Variants in LRGUK observed in about 807,000 individuals in gnomAD.
LRGUK encodes the protein leucine rich repeats and guanylate kinase domain containing.
LRGUK carries 65 observed loss-of-function variants against 76.0 expected under a neutral mutation model. The observed-to-expected ratio is 0.85, with a 90% confidence interval of 0.70 to 1.05. LRGUK has a LOEUF of 1.05. Among genes scored for constraint, LRGUK ranks in the 50% least tolerant of loss-of-function variants. The pLI, the probability that LRGUK is intolerant of heterozygous loss-of-function variation, is 0.00. For missense variants in LRGUK, 758 were observed against 732.8 expected, an observed-to-expected ratio of 1.03 and a Z score of -0.40; for synonymous variants, 268 against 265.6, an observed-to-expected ratio of 1.01 and a Z score of -0.09.
chr7:134,183,647 G>T, intron 10 of LRGUK, 87 bp from the exon 11 acceptor site: 1 of 1,496,550 alleles, frequency 6.7e-7, no homozygotes, highest in South Asian at 1.2e-5. Flanking sequence ...TGCTCATTTA[G>T]CCAGGTTAAT....
intron 5 of LRGUK, among the ~76,000 whole-genome samples, chr7:134,149,108 T>TAAAA (rs5887660): frequency 6.0e-5 from 9 of 148,876 alleles, no homozygotes; most frequent in African/African-American, 1.7e-4. Flanking sequence ...TTTCTTTTTT[T>TAAAA]AAAAAAAAAA....
chr7:134,133,011 T>G (rs1370478162), intron 1 of LRGUK, among the ~76,000 whole-genome samples: 2 of 152,120 alleles, frequency 1.3e-5, no homozygotes, highest in African/African-American at 2.4e-5. Context: ...CGGGAGACCG[T>G]TCATAGCAAA....
chr7:134,143,603 T>C (rs17167493), intron 4 of LRGUK, among the ~76,000 whole-genome samples: 19,732 of 152,264 alleles, frequency 0.13, 1,625 homozygotes, highest in East Asian at 0.32. Flanking sequence ...AAAAATTTTA[T>C]ATCTGAATAA....
intron 16 of LRGUK, among the ~76,000 whole-genome samples, chr7:134,241,595 A>C (rs60740661): frequency 6.6e-6 from 1 of 152,080 alleles, no homozygotes; most frequent in Non-Finnish European, 1.5e-5. Flanking sequence ...GACTCCCACA[A>C]AATAATAATG....
At chr7:134,172,265 A>G (rs998929193) in intron 7 of LRGUK, among the ~76,000 whole-genome samples, 2 of 152,136 alleles carry the variant, frequency 1.3e-5, no homozygotes, top group Admixed American at 6.5e-5. Context: ...TACTTGTTTT[A>G]CTTTTACTGA....
chr7:134,180,180 C>G (rs768820843), intron 10 of LRGUK, among the ~76,000 whole-genome samples: 6 of 152,164 alleles, frequency 3.9e-5, no homozygotes, highest in Non-Finnish European at 8.8e-5. Context: ...AATAGTATTT[C>G]CCAATTCCAG....
At chr7:134,137,257 G>T (rs957736602) in intron 2 of LRGUK, 127 bp downstream of exon 2, 2 of 663,478 alleles carry the variant, frequency 3.0e-6, no homozygotes, top group African/African-American at 3.6e-5. Flanking sequence ...GATGGAGACT[G>T]GTGACAAGAG....
downstream of LRGUK, among the ~76,000 whole-genome samples, chr7:134,265,593 T>C (rs1035736975): frequency 6.6e-6 from 1 of 152,198 alleles, no homozygotes; most frequent in African/African-American, 2.4e-5. Context: ...AGCTGCACCA[T>C]TCCAGCCAAA....
At chr7:134,145,662 G>T (rs935234250) in intron 4 of LRGUK, among the ~76,000 whole-genome samples, 7 of 152,212 alleles carry the variant, frequency 4.6e-5, no homozygotes, top group Non-Finnish European at 8.8e-5. Context: ...TTGCTGGGAG[G>T]CAGCGGAACT....
chr7:134,211,105 G>C (rs1429535340), downstream of LRGUK, among the ~76,000 whole-genome samples: 2 of 152,324 alleles, frequency 1.3e-5, no homozygotes, highest in Non-Finnish European at 2.9e-5. Flanking sequence ...AGGTGGAGGG[G>C]CTGTTCAGCA....
At chr7:134,234,363 C>A (rs901549980) in intron 16 of LRGUK, among the ~76,000 whole-genome samples, 1 of 151,970 alleles carries the variant, frequency 6.6e-6, no homozygotes, top group African/African-American at 2.4e-5. Flanking sequence ...GGTTGTCTGA[C>A]CGCCTGCATG....
At chr7:134,268,779 G>A (rs1296916049), downstream of LRGUK, among the ~76,000 whole-genome samples, 1 of 127,890 alleles carries the variant, frequency 7.8e-6, no homozygotes, top group Non-Finnish European at 1.6e-5. Flanking sequence ...GCCCAGGCTG[G>A]AGTGCAGTAG....
chr7:134,195,739 T>C (rs1585534054), intron 12 of LRGUK, among the ~76,000 whole-genome samples: 1 of 152,204 alleles, frequency 6.6e-6, no homozygotes, highest in East Asian at 1.9e-4. Flanking sequence ...TATATATATA[T>C]ATAGAAAAGG....
intron 1 of LRGUK, among the ~76,000 whole-genome samples, chr7:134,131,513 C>T (rs1024343627): frequency 6.6e-6 from 1 of 152,128 alleles, no homozygotes; most frequent in Non-Finnish European, 1.5e-5. Context: ...GGTGTGTGGG[C>T]AGGCAGGTGG....
intron 5 of LRGUK, among the ~76,000 whole-genome samples, chr7:134,157,043 G>C (rs1798493894): frequency 6.6e-6 from 1 of 152,106 alleles, no homozygotes; most frequent in Non-Finnish European, 1.5e-5. Context: ...AGAGAGAGCT[G>C]AACAGAATTA....
intron 16 of LRGUK, among the ~76,000 whole-genome samples, chr7:134,224,807 C>T (rs1801693047): frequency 6.6e-6 from 1 of 152,108 alleles, no homozygotes; most frequent in Non-Finnish European, 1.5e-5. Context: ...AATCCCAGCA[C>T]TTTGGGAGGC....
At chr7:134,127,397 G>A in exon 1 of LRGUK, 1 of 1,613,636 alleles carries the variant, frequency 6.2e-7, no homozygotes, top group African/African-American at 1.3e-5. Context: ...CTCTCCTGAG[G>A]ACCAGAGCTG....
chr7:134,163,036 A>G (rs780208359), intron 6 of LRGUK, among the ~76,000 whole-genome samples: 5 of 152,212 alleles, frequency 3.3e-5, no homozygotes, highest in African/African-American at 4.8e-5. Flanking sequence ...AAAGAGTTAC[A>G]TTAAATTTAT....
At chr7:134,165,317 A>G (rs534584409) in intron 7 of LRGUK, among the ~76,000 whole-genome samples, 2 of 152,322 alleles carry the variant, frequency 1.3e-5, no homozygotes, top group South Asian at 2.1e-4. Flanking sequence ...TAACTTGCCC[A>G]AAGTCATATA....
Sources: gnomAD v4.1 joint callset for allele counts (sites outside exome capture counted in the v4.1 genomes callset) on GRCh38, gnomAD v4.1.1 for gene constraint, MANE v1.5 for transcripts, NCBI Gene and HGNC (gene_info 2026-07-23, HGNC 2026-07-21) for gene names.